Variants in SLC26A4 observed in about 807,000 individuals in gnomAD.
SLC26A4 encodes the protein pendrin.
A neutral mutation model predicts 90.4 loss-of-function variants in SLC26A4; 93 were observed. The ratio of observed to expected loss-of-function variants is 1.03; its 90% confidence interval spans 0.87 to 1.22. The LOEUF is 1.22. Ranked by LOEUF, SLC26A4 falls within the 50% of genes most tolerant of loss-of-function variation. The pLI is 0.00. For synonymous variants in SLC26A4, 393 were observed against 354.6 expected, an observed-to-expected ratio of 1.11 and a Z score of -1.22; for missense variants, 1,127 against 946.2, an observed-to-expected ratio of 1.19 and a Z score of -2.51.
rs1470344661 is a variant in SLC26A4, at chr7:107,662,856, AT to A, written c.165-435del. Reference sequence around the variant, plus strand: ...TAAGGTATACATTCCTCATGCTAAGATTTTTGTAAAAACTAGCTCCAGGCTT... The same window carrying A: ...TAAGGTATACATTCCTCATGCTAAGATTTTGTAAAAACTAGCTCCAGGCTT... On this transcript the variant is annotated intron_variant, in intron 2 of 20. Coordinates refer to ENST00000644269, the MANE Select transcript of SLC26A4 (RefSeq NM_000441.2). Among the ~76,000 whole-genome samples the A allele has an allele frequency of 2.0e-5, 3 of 152,302 alleles. No individual in the cohort carries two copies. In the East Asian group the frequency reaches 5.8e-4, roughly 29 times the overall value.
intron 3 of SLC26A4, among the ~76,000 whole-genome samples, chr7:107,671,108 C>T (rs2129310958): frequency 6.6e-6 from 1 of 152,298 alleles, no homozygotes; most frequent in African/African-American, 2.4e-5. Context: ...TGAGCTCAGA[C>T]ACAACTGCCT....
chr7:107,691,037 A>G (rs1791552046), intron 10 of SLC26A4, among the ~76,000 whole-genome samples: 1 of 151,922 alleles, frequency 6.6e-6, no homozygotes. Context: ...CAACACAGAA[A>G]GAACTATTAT....
intron 5 of SLC26A4, 27 bp downstream of exon 5, chr7:107,674,375 A>G (rs1322944081): frequency 6.8e-7 from 1 of 1,479,462 alleles, no homozygotes; most frequent in African/African-American, 1.4e-5. Context: ...TAAAATATAG[A>G]TGGATGTAAT....
chr7:107,714,085 A>ATTTTTTTT (rs11335507), intron 20 of SLC26A4, among the ~76,000 whole-genome samples: 1 of 148,836 alleles, frequency 6.7e-6, no homozygotes, highest in Non-Finnish European at 1.5e-5. Context: ...CGTCCAGATA[A>ATTTTTTTT]TTTTTTTTTT....
At chr7:107,666,404 T>C (rs145843839) in intron 3 of SLC26A4, among the ~76,000 whole-genome samples, 2,950 of 152,140 alleles carry the variant, frequency 0.019, 90 homozygotes, top group African/African-American at 0.067. Context: ...GTATTTTTTG[T>C]AGAGACAAGG....
intron 17 of SLC26A4, 102 bp from the exon 18 acceptor site, chr7:107,704,229 C>G (rs1231830540): frequency 1.5e-6 from 1 of 682,970 alleles, no homozygotes; most frequent in African/African-American, 1.8e-5. Context: ...CCTGATTAAC[C>G]ATGAAAGTAA....
chr7:107,696,824 T>A (rs1186795225), intron 13 of SLC26A4, among the ~76,000 whole-genome samples: 1 of 152,166 alleles, frequency 6.6e-6, no homozygotes, highest in East Asian at 1.9e-4. Flanking sequence ...GAACAGAGTC[T>A]TTCTCTCCCT....
At chr7:107,685,955 A>G (rs1791385681) in intron 8 of SLC26A4, among the ~76,000 whole-genome samples, 1 of 151,906 alleles carries the variant, frequency 6.6e-6, no homozygotes, top group Non-Finnish European at 1.5e-5. Context: ...TTTAATCCCT[A>G]TTCACTCTCT....
intron 3 of SLC26A4, among the ~76,000 whole-genome samples, chr7:107,671,485 G>C (rs776530822): frequency 9.9e-5 from 15 of 152,168 alleles, no homozygotes; most frequent in Non-Finnish European, 2.1e-4. Context: ...CATTTGACTT[G>C]ATTGTTTTTT....
At chr7:107,710,659 C>T (rs1045154792) in intron 19 of SLC26A4, among the ~76,000 whole-genome samples, 3 of 152,126 alleles carry the variant, frequency 2.0e-5, no homozygotes, top group African/African-American at 7.2e-5. Context: ...CACAAAGAAG[C>T]CCAGGGTTAA....
At chr7:107,679,977 A>AATCTT (rs1488933673) in intron 6 of SLC26A4, among the ~76,000 whole-genome samples, 5 of 132,324 alleles carry the variant, frequency 3.8e-5, no homozygotes, top group Admixed American at 2.3e-4. Flanking sequence ...TATATAATAT[A>AATCTT]ATCTTATTAT....
chr7:107,703,406 G>C (rs762756776), intron 17 of SLC26A4, among the ~76,000 whole-genome samples: 3 of 152,226 alleles, frequency 2.0e-5, no homozygotes, highest in Non-Finnish European at 4.4e-5. Context: ...GTACTAGGTA[G>C]GTAGGGTAGA....
At chr7:107,676,553 G>A (rs1242050109) in intron 6 of SLC26A4, among the ~76,000 whole-genome samples, 1 of 152,212 alleles carries the variant, frequency 6.6e-6, no homozygotes, top group Non-Finnish European at 1.5e-5. Context: ...CATAAAGCAT[G>A]TTATTGATGC....
chr7:107,690,092 G>C (rs766320171), intron 9 of SLC26A4, 32 bp from the exon 10 acceptor site: 1 of 1,239,354 alleles, frequency 8.1e-7, no homozygotes, highest in East Asian at 2.3e-5. Flanking sequence ...GATTCAATTT[G>C]TAGGATCGTT....
intron 12 of SLC26A4, 76 bp downstream of exon 12, chr7:107,694,792 C>A: frequency 1.0e-6 from 1 of 965,132 alleles, no homozygotes; most frequent in South Asian, 1.3e-5. Context: ...CACTATATTC[C>A]CCCCATCCCC....
chr7:107,687,856 T>C (rs1791461043), intron 8 of SLC26A4, among the ~76,000 whole-genome samples: 1 of 152,194 alleles, frequency 6.6e-6, no homozygotes, highest in Non-Finnish European at 1.5e-5. Context: ...TAGCAGGTGA[T>C]GTCATGCTGA....
intron 8 of SLC26A4, among the ~76,000 whole-genome samples, chr7:107,688,214 T>C (rs1039830726): frequency 1.3e-5 from 2 of 152,190 alleles, no homozygotes; most frequent in Non-Finnish European, 2.9e-5. Flanking sequence ...ACCTTATTTC[T>C]ATTTTATTTT....
chr7:107,661,312 G>A lies in SLC26A4; in HGVS notation c.-3-327G>A, dbSNP rs1790540709. 4.7e-6 allele frequency: 2 copies of A among 427,280 alleles called. No individual in the cohort carries two copies. Among genetic ancestry groups the A allele is most frequent in the African/African-American group, 4.2e-5 (2 of 48,052 alleles). 26.5% of individuals were successfully genotyped at this position (427,280 alleles called of 1,614,324 possible). ...GGGGAGATTTCAGAACGCGGACAGCGCCCTGGCTGCGGGCCATAGGGGACT... is the reference window on the plus strand; with the variant it reads ...GGGGAGATTTCAGAACGCGGACAGCACCCTGGCTGCGGGCCATAGGGGACT... On this transcript the variant is annotated intron_variant, in intron 1 of 20. Coordinates refer to ENST00000644269, the MANE Select transcript of SLC26A4 (RefSeq NM_000441.2). The surrounding 1 kb of genome is among the most constrained non-coding windows in gnomAD (Gnocchi z 5.1).
chr7:107,683,126 TTG>T (rs151187651), intron 6 of SLC26A4, 74 bp from the exon 7 acceptor site: 103 of 1,045,354 alleles, frequency 9.9e-5, no homozygotes, highest in Non-Finnish European at 9.4e-5. Context: ...TGAGAATTGA[TTG>T]TGTGTGTGTG....
Sources: gnomAD v4.1 joint callset for allele counts (sites outside exome capture counted in the v4.1 genomes callset) on GRCh38, gnomAD v4.1.1 for gene constraint, Gnocchi (gnomAD v3.1) non-coding constraint, MANE v1.5 for transcripts, NCBI Gene and HGNC (gene_info 2026-07-23, HGNC 2026-07-21) for gene names.